The following LRRC4C variants were observed in gnomAD, a reference collection of about 807,000 sequenced individuals.
The protein encoded by LRRC4C is leucine rich repeat containing 4C, also known as leucine-rich repeat-containing protein 4C.
LRRC4C carries 5 observed loss-of-function variants against 33.6 expected under a neutral mutation model. That is an observed-to-expected ratio of 0.15 (90% CI 0.08 to 0.31). LRRC4C has a LOEUF of 0.31. Ranked by LOEUF, LRRC4C falls within the 10% of genes least tolerant of loss-of-function variation. The pLI is 1.00. For synonymous variants in LRRC4C, 329 were observed against 302.0 expected, an observed-to-expected ratio of 1.09 and a Z score of -0.93; for missense variants, 560 against 796.7, an observed-to-expected ratio of 0.70 and a Z score of 3.58.
chr11:41,325,573 T>G (rs550957275), intron 1 of LRRC4C, among the ~76,000 whole-genome samples: 15 of 98,008 alleles, frequency 1.5e-4, no homozygotes, highest in African/African-American at 2.5e-4. Context: ...ATAGTTTTTT[T>G]TTTTTGTGTG....
intron 1 of LRRC4C, among the ~76,000 whole-genome samples, chr11:41,111,024 G>C (rs1941799343): frequency 6.6e-6 from 1 of 151,988 alleles, no homozygotes; most frequent in Non-Finnish European, 1.5e-5. Context: ...CTGAAGGGCT[G>C]GAGACTACTT....
chr11:41,115,560 A>C (rs1016538755), intron 1 of LRRC4C, among the ~76,000 whole-genome samples: 1 of 152,098 alleles, frequency 6.6e-6, no homozygotes, highest in African/African-American at 2.4e-5. Context: ...CTGAGGTTTT[A>C]ATTGTGTTCA....
chr11:40,343,908 G>T (rs998517758), intron 3 of LRRC4C, among the ~76,000 whole-genome samples: 12 of 151,960 alleles, frequency 7.9e-5, no homozygotes, highest in Admixed American at 2.0e-4. Context: ...AGAAGAAATT[G>T]ATGAATTCCT....
chr11:41,337,283 G>C (rs1398404907), intron 1 of LRRC4C, among the ~76,000 whole-genome samples: 1 of 152,028 alleles, frequency 6.6e-6, no homozygotes, highest in Non-Finnish European at 1.5e-5. Flanking sequence ...TGGCCTCAAG[G>C]AATACTCCTG....
At chr11:40,794,966 C>G (rs1178427640) in intron 2 of LRRC4C, among the ~76,000 whole-genome samples, 4 of 152,196 alleles carry the variant, frequency 2.6e-5, no homozygotes, top group African/African-American at 9.6e-5. Flanking sequence ...TTCCTTCCCT[C>G]TTACTCAATT....
chr11:40,615,875 A>G (rs1415096632), intron 3 of LRRC4C, among the ~76,000 whole-genome samples: 1 of 151,826 alleles, frequency 6.6e-6, no homozygotes, highest in Non-Finnish European at 1.5e-5. Context: ...GTTCAATCTG[A>G]CACTCAAACT....
At chr11:41,025,173 C>T in intron 1 of LRRC4C, among the ~76,000 whole-genome samples, 1 of 151,300 alleles carries the variant, frequency 6.6e-6, no homozygotes, top group East Asian at 1.9e-4. Flanking sequence ...TTTAAGTTTG[C>T]CAGTGAAAGG....
At chr11:41,397,214 A>G (rs906567771) in intron 1 of LRRC4C, among the ~76,000 whole-genome samples, 1 of 151,722 alleles carries the variant, frequency 6.6e-6, no homozygotes, top group African/African-American at 2.4e-5. Context: ...CTTATACACA[A>G]AGTTTTTCAG....
intron 3 of LRRC4C, among the ~76,000 whole-genome samples, chr11:40,321,179 TATG>T (rs1945829340): frequency 6.6e-6 from 1 of 152,188 alleles, no homozygotes; most frequent in Non-Finnish European, 1.5e-5. Context: ...TTTAGCATGA[TATG>T]ATGATTTTTT....
chr11:41,336,203 T>G (rs1312505471), intron 1 of LRRC4C, among the ~76,000 whole-genome samples: 1 of 151,866 alleles, frequency 6.6e-6, no homozygotes, highest in Non-Finnish European at 1.5e-5. Flanking sequence ...TTTAAAAGAT[T>G]TACCCTAAAA....
chr11:40,551,922 A>G (rs1054318830), intron 3 of LRRC4C, among the ~76,000 whole-genome samples: 2 of 152,214 alleles, frequency 1.3e-5, no homozygotes, highest in African/African-American at 4.8e-5. Flanking sequence ...TTAACATTTA[A>G]GTTAGTAGAC....
intron 1 of LRRC4C, among the ~76,000 whole-genome samples, chr11:41,319,072 A>G (rs1447116): frequency 0.75 from 114,023 of 152,010 alleles, 43,170 homozygotes; most frequent in Admixed American, 0.83. Flanking sequence ...TTTGGATTTC[A>G]CATGTTCTCT....
intron 2 of LRRC4C, among the ~76,000 whole-genome samples, chr11:40,817,925 C>G (rs1411321893): frequency 6.6e-6 from 1 of 152,072 alleles, no homozygotes. Flanking sequence ...TTTGCACACA[C>G]ATAAATCATG....
At chr11:40,236,235 A>G (rs1299240626) in intron 5 of LRRC4C, among the ~76,000 whole-genome samples, 2 of 152,216 alleles carry the variant, frequency 1.3e-5, no homozygotes, top group Non-Finnish European at 2.9e-5. Context: ...AGACGTTTTT[A>G]AGTCTCAAGT....
intron 1 of LRRC4C, among the ~76,000 whole-genome samples, chr11:41,380,848 G>T (rs1489641077): frequency 1.3e-5 from 2 of 152,022 alleles, no homozygotes; most frequent in Non-Finnish European, 2.9e-5. Context: ...CTTTCTCTCT[G>T]CAAAAGGACT....
chr11:40,952,352 C>G (rs1958733697), intron 1 of LRRC4C, among the ~76,000 whole-genome samples: 1 of 151,818 alleles, frequency 6.6e-6, no homozygotes. Context: ...TCGAAAGCTA[C>G]CTTTAAAACT....
At position 40,949,195 on chromosome 11, in the gene LRRC4C, G is replaced by A. The variant is rs536793759; in HGVS notation, c.-495-15472C>T. On this transcript the variant is annotated intron_variant, in intron 1 of 6. Transcript: ENST00000528697. ...TGAGAAGTGTCTGTTCATGTCCTTC[G>A]CCCACATTTTGATGGGGTTGTTTGT... Among the ~76,000 whole-genome samples the A allele has an allele frequency of 8.0e-4, 122 of 152,158 alleles. 5 individuals carry two copies. In the South Asian group the frequency reaches 0.024, roughly 30 times the overall value.
intron 3 of LRRC4C, among the ~76,000 whole-genome samples, chr11:40,321,204 A>G (rs1945831395): frequency 6.6e-6 from 1 of 152,150 alleles, no homozygotes; most frequent in Admixed American, 6.5e-5. Flanking sequence ...CCCCTCACAT[A>G]TCTTCCAGAG....
At chr11:41,385,895 G>A (rs930171913) in intron 1 of LRRC4C, among the ~76,000 whole-genome samples, 3 of 151,474 alleles carry the variant, frequency 2.0e-5, no homozygotes, top group African/African-American at 7.3e-5. Context: ...ATCCTTTTAA[G>A]TTACAGTAGT....
Sources: gnomAD v4.1 joint callset for allele counts (sites outside exome capture counted in the v4.1 genomes callset) on GRCh38, gnomAD v4.1.1 for gene constraint, MANE v1.5 for transcripts, NCBI Gene and HGNC (gene_info 2026-07-23, HGNC 2026-07-21) for gene names.